Variants in EPHA6 observed in about 807,000 individuals in gnomAD.
EPHA6 encodes EPH receptor A6, also known as ephrin type-A receptor 6.
A neutral mutation model predicts 112.0 loss-of-function variants in EPHA6; 50 were observed. That is an observed-to-expected ratio of 0.45 (90% CI 0.36 to 0.56). EPHA6 has a LOEUF of 0.56. EPHA6 is among the 20% of genes least tolerant of loss of function. The pLI is 0.00. For synonymous variants in EPHA6, 529 were observed against 490.7 expected, an observed-to-expected ratio of 1.08 and a Z score of -1.03; for missense variants, 1,280 against 1,417.4, an observed-to-expected ratio of 0.90 and a Z score of 1.56.
chr3:97,634,962 G>A (rs1318044583), intron 13 of EPHA6, among the ~76,000 whole-genome samples: 1 of 148,764 alleles, frequency 6.7e-6, no homozygotes, highest in Non-Finnish European at 1.5e-5. Context: ...TAATCTTTCT[G>A]TGAGTGCCTG....
At chr3:96,892,010 A>C (rs1003785374) in intron 2 of EPHA6, among the ~76,000 whole-genome samples, 1 of 152,214 alleles carries the variant, frequency 6.6e-6, no homozygotes. Context: ...AGACAGCTTT[A>C]GAGTTGGAAA....
intron 2 of EPHA6, among the ~76,000 whole-genome samples, chr3:96,897,412 C>A (rs1267039902): frequency 3.3e-5 from 5 of 152,112 alleles, no homozygotes. Context: ...GCAAGCTATA[C>A]TTTTCTTCTG....
chr3:97,423,668 A>G (rs2088863551), intron 6 of EPHA6, among the ~76,000 whole-genome samples: 1 of 152,206 alleles, frequency 6.6e-6, no homozygotes, highest in African/African-American at 2.4e-5. Flanking sequence ...ATTCATATGG[A>G]ACCAAAAAAG....
At chr3:97,702,502 T>G (rs2033451502) in intron 14 of EPHA6, among the ~76,000 whole-genome samples, 1 of 152,200 alleles carries the variant, frequency 6.6e-6, no homozygotes, top group African/African-American at 2.4e-5. Flanking sequence ...CTGATGCTTC[T>G]TCAGCAAAAA....
chr3:97,251,183 A>G (rs2079127091), intron 5 of EPHA6, among the ~76,000 whole-genome samples: 1 of 152,064 alleles, frequency 6.6e-6, no homozygotes, highest in South Asian at 2.1e-4. Context: ...ATATTTTCTA[A>G]AAGCCTCTTT....
intron 5 of EPHA6, among the ~76,000 whole-genome samples, chr3:97,370,101 G>A (rs907859920): frequency 2.6e-5 from 4 of 152,030 alleles, no homozygotes; most frequent in East Asian, 1.9e-4. Flanking sequence ...TTTACAACTC[G>A]TATGGTAGCA....
intron 5 of EPHA6, among the ~76,000 whole-genome samples, chr3:97,257,588 C>T (rs1327038236): frequency 6.6e-6 from 1 of 151,954 alleles, no homozygotes; most frequent in East Asian, 1.9e-4. Flanking sequence ...CTTCATATCA[C>T]TGCAGGAGTA....
In EPHA6 at chr3:97,019,182, A is replaced by G. The variant is rs577900264; in HGVS notation, c.1114+31189A>G. On this transcript the variant is annotated intron_variant, in intron 3 of 17. Transcript: ENST00000389672. Reference sequence around the variant, plus strand: ...CTATTCTTATTTTATATTTTATTATACTGGAACAGCTCGTGTCCTCGGTCC... The same window carrying G: ...CTATTCTTATTTTATATTTTATTATGCTGGAACAGCTCGTGTCCTCGGTCC... Among the ~76,000 whole-genome samples, 4 of 152,322 alleles carry G rather than the reference A, an allele frequency of 2.6e-5. No homozygotes were observed. The South Asian group carries it at 8.3e-4, about 32-fold the overall frequency.
intron 2 of EPHA6, among the ~76,000 whole-genome samples, chr3:96,955,981 T>C (rs577989990): frequency 6.6e-6 from 1 of 152,208 alleles, no homozygotes; most frequent in Non-Finnish European, 1.5e-5. Context: ...GAACACATCC[T>C]TTTTTATACT....
chr3:97,569,818 G>C (rs539848683), intron 11 of EPHA6: 2 of 152,256 alleles, frequency 1.3e-5, no homozygotes, highest in Admixed American at 6.5e-5. Flanking sequence ...ACATAAAAAT[G>C]CATCTGTTTG....
At chr3:96,967,372 T>A (rs965147823) in intron 2 of EPHA6, among the ~76,000 whole-genome samples, 3 of 151,626 alleles carry the variant, frequency 2.0e-5, no homozygotes, top group Non-Finnish European at 2.9e-5. Context: ...TTTCATTTAC[T>A]AGTATATTAT....
At chr3:96,818,808 A>G (rs913769573) in intron 1 of EPHA6, among the ~76,000 whole-genome samples, 1 of 151,886 alleles carries the variant, frequency 6.6e-6, no homozygotes, top group Non-Finnish European at 1.5e-5. Flanking sequence ...CTGAAAGACC[A>G]TTCATTTAGA....
chr3:97,180,438 T>C lies in EPHA6; in HGVS notation c.1115-45826T>C, dbSNP rs1337123746. On this transcript the variant is annotated intron_variant, in intron 3 of 17. Coordinates refer to ENST00000389672, the MANE Select transcript of EPHA6 (RefSeq NM_001080448.3). Reference sequence around the variant, plus strand: ...AAGACCCCTTTACTTTTCTTTCTGCTTTCCAAGGCAGATGGAGTTTGCCCT... The same window carrying C: ...AAGACCCCTTTACTTTTCTTTCTGCCTTCCAAGGCAGATGGAGTTTGCCCT... Among the ~76,000 whole-genome samples, 3 of 152,154 alleles carry C rather than the reference T, an allele frequency of 2.0e-5. No individual in the cohort carries two copies. The East Asian group carries it at 5.8e-4, about 29-fold the overall frequency.
rs564743789 is a variant in EPHA6, at chr3:97,180,188, G to A, written c.1115-46076G>A. On this transcript the variant is annotated intron_variant, in intron 3 of 17. Transcript: ENST00000389672. ...TAGCCACCAGCAGTTCAGGCCACAA[G>A]GAGTACCACCAGACTACCACCAATG... Among the ~76,000 whole-genome samples, 14 of 152,118 alleles carry A rather than the reference G, an allele frequency of 9.2e-5. No homozygotes were observed. The East Asian group carries it at 1.6e-3, about 17-fold the overall frequency.
intron 1 of EPHA6, among the ~76,000 whole-genome samples, chr3:96,851,621 C>T (rs72931388): frequency 0.013 from 1,989 of 152,124 alleles, 47 homozygotes; most frequent in African/African-American, 0.044. Context: ...TTTAAGGAGA[C>T]CCGTTAAACT....
chr3:97,476,477 C>A (rs889948879), intron 8 of EPHA6, among the ~76,000 whole-genome samples: 2 of 152,092 alleles, frequency 1.3e-5, no homozygotes, highest in Non-Finnish European at 2.9e-5. Context: ...TAAACAGCAC[C>A]TTCAGTGAAC....
At chr3:97,284,829 T>G (rs2080410847) in intron 5 of EPHA6, among the ~76,000 whole-genome samples, 1 of 152,164 alleles carries the variant, frequency 6.6e-6, no homozygotes, top group Non-Finnish European at 1.5e-5. Context: ...TGTACACCAG[T>G]GCAATAATTA....
intron 5 of EPHA6, among the ~76,000 whole-genome samples, chr3:97,355,595 G>T (rs2084030110): frequency 6.6e-6 from 1 of 152,088 alleles, no homozygotes; most frequent in Non-Finnish European, 1.5e-5. Flanking sequence ...CAAAAAGGAA[G>T]ATAGGAAGGA....
At chr3:97,657,938 T>G (rs1461229802) in intron 14 of EPHA6, among the ~76,000 whole-genome samples, 1 of 151,578 alleles carries the variant, frequency 6.6e-6, no homozygotes, top group African/African-American at 2.4e-5. Context: ...AATTATTTCC[T>G]CCTCCAGCCT....
Sources: gnomAD v4.1 joint callset for allele counts (sites outside exome capture counted in the v4.1 genomes callset) on GRCh38, gnomAD v4.1.1 for gene constraint, MANE v1.5 for transcripts, NCBI Gene and HGNC (gene_info 2026-07-23, HGNC 2026-07-21) for gene names.